MED13L: variants seen among roughly 807,000 people sequenced by gnomAD.
The protein encoded by MED13L is mediator complex subunit 13L.
MED13L carries 7 observed loss-of-function variants against 220.9 expected under a neutral mutation model. The ratio of observed to expected loss-of-function variants is 0.03; its 90% CI spans 0.02 to 0.06. The LOEUF (loss-of-function observed/expected upper bound fraction) is 0.06. MED13L is among the 10% of genes least tolerant of loss of function. The pLI is 1.00. For synonymous variants in MED13L, 1,011 were observed against 1,015.2 expected, an observed-to-expected ratio of 1.00 and a Z score of 0.08; for missense variants, 1,965 against 2,760.5, an observed-to-expected ratio of 0.71 and a Z score of 6.46.
At position 115,982,857 on chromosome 12, in the gene MED13L, A is replaced by T. The variant is rs140739900; in HGVS notation, c.4956-254T>A. ...CAACTCCCCTTTCTTTTCTGTGGTT[A>T]TGTTGTACAAAGTTGTTACTAATTA... On this transcript the variant is annotated intron_variant, in intron 21 of 30. Transcript: ENST00000281928. 2.4e-3 allele frequency among the ~76,000 whole-genome samples: 364 copies of T among 152,330 alleles called. 2 individuals carry two copies. The highest frequency in any genetic ancestry group is 7.6e-3 in the African/African-American group (316 of 41,568).
At chr12:116,244,757 G>A (rs1870958577) in intron 1 of MED13L, among the ~76,000 whole-genome samples, 1 of 152,144 alleles carries the variant, frequency 6.6e-6, no homozygotes, top group Admixed American at 6.6e-5. Flanking sequence ...TTCTAGACCA[G>A]CCTAAGCAAC....
rs1341850020 is a variant in MED13L, at chr12:116,276,875, T to C, written c.72+185A>G. The C allele has an allele frequency of 4.1e-6, 4 of 965,950 alleles. No individual in the cohort carries two copies. The East Asian group carries it at 8.3e-5, about 20-fold the overall frequency. 59.8% of individuals were successfully genotyped at this position (965,950 alleles called of 1,614,324 possible). ...GATTTTTAAAGAGCCAAATAAACAC[T>C]GGATGGGATCCAAGGCGAGAGAGAG... On this transcript the variant is annotated intron_variant, in intron 1 of 30. Coordinates refer to ENST00000281928, the MANE Select transcript of MED13L (RefSeq NM_015335.5).
chr12:116,045,265 C>T (rs1426418377), intron 4 of MED13L, among the ~76,000 whole-genome samples: 1 of 152,158 alleles, frequency 6.6e-6, no homozygotes, highest in Non-Finnish European at 1.5e-5. Flanking sequence ...CTCTTCTCTG[C>T]TTTTAATCTG....
intron 2 of MED13L, among the ~76,000 whole-genome samples, chr12:116,198,866 G>A (rs563486973): frequency 7.2e-5 from 11 of 152,180 alleles, no homozygotes; most frequent in Middle Eastern, 3.4e-3. Context: ...CTGCAGCTTT[G>A]GAAAAAGATA....
rs2137275405 is a variant in MED13L at position 115,983,454 on chromosome 12, C to T, written c.4618G>A (p.Ala1540Thr). The T allele has an allele frequency of 6.2e-7, 1 of 1,614,170 alleles. No homozygotes were observed. Among genetic ancestry groups the T allele is most frequent in the South Asian group, 1.1e-5 (1 of 91,088 alleles). ...QTPPAAAQGQ[A>T]TPGNAGPLAP... Reference sequence around the variant, plus strand: ...AAGGGCCCAGCATTCCCTGGCGTAGCTTGTCCCTGTGCTGCTGCTGGTGGG... The same window carrying T: ...AAGGGCCCAGCATTCCCTGGCGTAGTTTGTCCCTGTGCTGCTGCTGGTGGG... Residue 1540 changes from alanine to threonine, a missense_variant, in exon 21 of 31, where the codon GCT becomes ACT. Physicochemically the swap from Ala to Thr is moderately conservative, Grantham distance 58. This residue lies in a region of MED13L where 510 missense variants were observed against 620.4 expected (regional missense o/e 0.82). Transcript: ENST00000281928.
chr12:115,984,714 G>A (rs567101605), intron 19 of MED13L, among the ~76,000 whole-genome samples: 1 of 152,234 alleles, frequency 6.6e-6, no homozygotes, highest in South Asian at 2.1e-4. Context: ...GTTGCTAACT[G>A]AGACATATGC....
intron 23 of MED13L, 49 bp downstream of exon 23, chr12:115,980,701 C>T (rs750434873): frequency 6.3e-7 from 1 of 1,579,956 alleles, no homozygotes; most frequent in Non-Finnish European, 8.7e-7. Context: ...CCTCTTCTAG[C>T]TTGCATTTTA....
intron 2 of MED13L, among the ~76,000 whole-genome samples, chr12:116,198,998 C>G (rs17498760): frequency 0.15 from 22,296 of 152,130 alleles, 1,902 homozygotes; most frequent in Middle Eastern, 0.22. Context: ...CTAGGAACCA[C>G]TAAAGTTTCT....
chr12:116,238,920 C>T (rs1006544372), intron 1 of MED13L, among the ~76,000 whole-genome samples: 1 of 152,128 alleles, frequency 6.6e-6, no homozygotes, highest in African/African-American at 2.4e-5. Context: ...CATGCTGAAA[C>T]CCCGTCTCCA....
intron 2 of MED13L, among the ~76,000 whole-genome samples, chr12:116,218,563 A>AT (rs940936114): frequency 0.012 from 1,731 of 146,982 alleles, 35 homozygotes; most frequent in African/African-American, 0.038. Context: ...TTTAACCAGC[A>AT]TTTTTTTTTT....
At chr12:116,101,146 C>T (rs1873034685) in intron 3 of MED13L, among the ~76,000 whole-genome samples, 1 of 152,152 alleles carries the variant, frequency 6.6e-6, no homozygotes, top group South Asian at 2.1e-4. Flanking sequence ...TCTATTCATT[C>T]TTTCTGTCCC....
chr12:115,961,076 G>A lies in MED13L; in HGVS notation c.*190C>T. ...GGAAGTTTCCAGGTCCATGAGAGAA[G>A]TGTCAAGGAGTCACTCTGGTAATGA... On this transcript the variant is annotated 3_prime_UTR_variant, in exon 31 of 31. Transcript: ENST00000281928. 1 of 759,730 alleles carries A rather than the reference G, an allele frequency of 1.3e-6. No individual in the cohort carries two copies. Among genetic ancestry groups the A allele is most frequent in the Non-Finnish European group, 2.2e-6 (1 of 461,310 alleles). 47.1% of individuals were successfully genotyped at this position (759,730 alleles called of 1,614,324 possible). A position where few individuals can be genotyped will look rare whatever the true frequency, so the allele number is the denominator to read the frequency against.
intron 10 of MED13L, 61 bp downstream of exon 10, chr12:116,008,340 G>A (rs1468886652): frequency 1.3e-6 from 2 of 1,540,064 alleles, no homozygotes; most frequent in Middle Eastern, 2.4e-4. Context: ...AGCAGGTAGA[G>A]ATGGGGAGGG....
intron 9 of MED13L, 92 bp downstream of exon 9, chr12:116,012,705 A>T: frequency 1.1e-6 from 1 of 925,106 alleles, no homozygotes. Flanking sequence ...AGAATGGAGA[A>T]TCAGGAAGAA....
At chr12:116,085,063 A>G (rs1164543608) in intron 4 of MED13L, among the ~76,000 whole-genome samples, 1 of 152,224 alleles carries the variant, frequency 6.6e-6, no homozygotes, top group Non-Finnish European at 1.5e-5. Context: ...TTTCAAGAGT[A>G]CATAATTATC....
chr12:116,263,936 C>A lies in MED13L; in HGVS notation c.72+13124G>T, dbSNP rs549481153. On this transcript the variant is annotated intron_variant, in intron 1 of 30. Coordinates refer to ENST00000281928, the MANE Select transcript of MED13L (RefSeq NM_015335.5). ...TGTATGAAAACAAAGTACACTGAAT[C>A]GCTAGACTCAGAACCTGAGAAGGCA... 2.0e-5 allele frequency among the ~76,000 whole-genome samples: 3 copies of A among 152,284 alleles called. No homozygotes were observed. In the South Asian group the frequency reaches 6.2e-4, roughly 32 times the overall value.
chr12:116,130,921 A>G (rs143119117), intron 2 of MED13L, among the ~76,000 whole-genome samples: 126 of 152,342 alleles, frequency 8.3e-4, no homozygotes, highest in Non-Finnish European at 1.5e-3. Context: ...AGGAACAAGT[A>G]TATCTTATGT....
At chr12:116,060,329 T>C (rs1869342823) in intron 4 of MED13L, among the ~76,000 whole-genome samples, 1 of 151,680 alleles carries the variant, frequency 6.6e-6, no homozygotes, top group Admixed American at 6.6e-5. Context: ...GGTAATACTA[T>C]CACTTTGGGA....
rs139278566 is a variant in MED13L, at chr12:116,263,267, T to TAA, written c.72+13791_72+13792dup. ...AGGATTCCCATTCTCTTTTATTATG[T>TAA]AAAAAAAACTAAAAAAAGAATTATA... On this transcript the variant is annotated intron_variant, in intron 1 of 30. Coordinates refer to ENST00000281928, the MANE Select transcript of MED13L (RefSeq NM_015335.5). Among the ~76,000 whole-genome samples the TAA allele has an allele frequency of 5.3e-5, 8 of 151,738 alleles. 1 individual carries two copies. In the South Asian group the frequency reaches 1.7e-3, roughly 32 times the overall value.
Sources: gnomAD v4.1 joint callset for allele counts (sites outside exome capture counted in the v4.1 genomes callset) on GRCh38, gnomAD v4.1.1 for gene constraint, gnomAD v4.1.1 regional missense constraint, MANE v1.5 for transcripts, NCBI Gene and HGNC (gene_info 2026-07-23, HGNC 2026-07-21) for gene names.